Variants in CORO7 observed in about 807,000 individuals in gnomAD.
CORO7 encodes the protein coronin-7.
CORO7 carries 107 observed loss-of-function variants against 126.6 expected under a neutral mutation model. The observed-to-expected ratio is 0.85, with a 90% confidence interval of 0.72 to 0.99. The LOEUF is 0.99. CORO7 is among the 50% of genes least tolerant of loss of function. The pLI is 0.00. For synonymous variants in CORO7, 603 were observed against 536.8 expected (o/e 1.12, Z -1.70); for missense variants, 1,314 against 1,255.8 (o/e 1.05, Z -0.70).
At chr16:4,412,240 C>A in intron 3 of CORO7, 116 bp downstream of exon 3, 2 of 1,118,530 alleles carry the variant, frequency 1.8e-6, no homozygotes, top group Admixed American at 3.7e-5. Flanking sequence ...ACAGACAGGG[C>A]GACAGGAGGG....
rs553544120 is a variant in CORO7 at position 4,405,442 on chromosome 16, C to T, written c.564+49G>A. On this transcript the variant is annotated intron_variant, in intron 6 of 27. Transcript: ENST00000251166. ...AGGCCCAGCCCAGGGGGTCCCAGCCCAGGAGGCCTGCACAGAGCCCCACAG... is the reference window on the plus strand; with the variant it reads ...AGGCCCAGCCCAGGGGGTCCCAGCCTAGGAGGCCTGCACAGAGCCCCACAG... 8.0e-5 allele frequency: 126 copies of T among 1,573,430 alleles called. 2 individuals are homozygous for T. The South Asian group carries it at 1.3e-3, about 16-fold the overall frequency.
intron 9 of CORO7, among the ~76,000 whole-genome samples, chr16:4,371,114 C>T (rs1273234228): frequency 6.6e-6 from 1 of 152,238 alleles, no homozygotes; most frequent in East Asian, 1.9e-4. Flanking sequence ...CACCCCTATG[C>T]CTCCACAGCT....
At chr16:4,382,794 G>A (rs1037115634) in intron 9 of CORO7, 4 of 1,587,020 alleles carry the variant, frequency 2.5e-6, no homozygotes, top group Non-Finnish European at 3.4e-6. Context: ...AGGCAACAGA[G>A]GGCGGTGGAG....
intron 24 of CORO7, 118 bp from the exon 25 acceptor site, chr16:4,358,221 T>C: frequency 6.5e-7 from 1 of 1,536,590 alleles, no homozygotes; most frequent in South Asian, 1.2e-5. Flanking sequence ...GGGGCTTCCA[T>C]GAGTTTCAGC....
At chr16:4,383,284 G>A in intron 9 of CORO7, 1 of 237,198 alleles carries the variant, frequency 4.2e-6, no homozygotes, top group Admixed American at 5.7e-5. Flanking sequence ...CAGAGGGAGA[G>A]CGGGTAGGCG....
intron 7 of CORO7, among the ~76,000 whole-genome samples, chr16:4,394,652 C>T (rs867975741): frequency 6.6e-6 from 1 of 152,196 alleles, no homozygotes; most frequent in African/African-American, 2.4e-5. Flanking sequence ...GCAAGAGAAG[C>T]CCCCAGCAAC....
intron 6 of CORO7, among the ~76,000 whole-genome samples, chr16:4,401,150 A>T (rs1350341819): frequency 6.6e-6 from 1 of 152,166 alleles, no homozygotes; most frequent in Non-Finnish European, 1.5e-5. Context: ...CGCGGGGAAG[A>T]ACTTAGACCT....
chr16:4,371,908 C>T (rs2054545167), intron 9 of CORO7: 1 of 152,116 alleles, frequency 6.6e-6, no homozygotes, highest in South Asian at 2.1e-4. Context: ...GCTTCGGGAC[C>T]CAGGACCCCC....
intron 7 of CORO7, among the ~76,000 whole-genome samples, chr16:4,389,192 C>T (rs533268291): frequency 3.9e-5 from 6 of 152,312 alleles, no homozygotes; most frequent in African/African-American, 1.4e-4. Context: ...GGACCCACCT[C>T]TGGGCAACGT....
Position 4,362,570 on chromosome 16 carries a change from G to C in CORO7, c.1402+42C>G. ...GGATGACGGGGAGTGGGGCAGACAG[G>C]GCTCCTGCGGTAGGGGTGAGCTCCC... On this transcript the variant is annotated intron_variant, in intron 15 of 27. Transcript: ENST00000251166. The surrounding 1 kb of genome is among the most constrained non-coding windows in gnomAD (Gnocchi z 5.3). 6.6e-7 allele frequency: 1 copy of C among 1,510,118 alleles called. No individual in the cohort carries two copies. Among genetic ancestry groups the C allele is most frequent in the Admixed American group, 2.3e-5 (1 of 43,764 alleles). 93.5% of individuals were successfully genotyped at this position (1,510,118 alleles called of 1,614,324 possible). A position where few individuals can be genotyped will look rare whatever the true frequency, so the allele number is the denominator to read the frequency against.
intron 9 of CORO7, chr16:4,380,860 T>C (rs1370153718): frequency 1.3e-6 from 2 of 1,486,710 alleles, no homozygotes; most frequent in African/African-American, 1.4e-5. Flanking sequence ...GCCTCCTCTC[T>C]GCTCCCAGGG....
chr16:4,388,923 C>T (rs1567282789), intron 7 of CORO7, among the ~76,000 whole-genome samples: 1 of 152,222 alleles, frequency 6.6e-6, no homozygotes, highest in Non-Finnish European at 1.5e-5. Flanking sequence ...GCCTCACTCC[C>T]CAGCTCCAGG....
chr16:4,412,295 C>G, intron 3 of CORO7, 61 bp downstream of exon 3: 1 of 1,585,796 alleles, frequency 6.3e-7, no homozygotes, highest in Non-Finnish European at 8.6e-7. Context: ...GGATGAATTT[C>G]TGGCCCTGGA....
rs1567254959 is a variant in CORO7 at position 4,365,557 on chromosome 16, A to AG, written c.786-13dup. On this transcript the variant is annotated splice_polypyrimidine_tract_variant and intron_variant, in intron 9 of 27. Transcript: ENST00000251166. ...GAGGCACGAGACACCTGGGGAAGAG[A>AG]GGGCAAGATGGCGGGTCAGGGCAGT... 1 of 1,575,220 alleles carries AG rather than the reference A, an allele frequency of 6.3e-7. No homozygotes were observed. Among genetic ancestry groups the AG allele is most frequent in the East Asian group, 2.3e-5 (1 of 42,678 alleles).
At chr16:4,373,700 A>G (rs1287820467) in intron 9 of CORO7, among the ~76,000 whole-genome samples, 21 of 152,170 alleles carry the variant, frequency 1.4e-4, no homozygotes, top group Non-Finnish European at 2.9e-5. Flanking sequence ...TCCCAAGTAC[A>G]GAAAATTAAG....
At chr16:4,381,171 A>G in intron 9 of CORO7, 1 of 1,611,778 alleles carries the variant, frequency 6.2e-7, no homozygotes, top group Non-Finnish European at 8.5e-7. Flanking sequence ...TCTTCCAGCC[A>G]CTCGCCAACC....
rs577970245 is a variant in CORO7, at chr16:4,374,300, C to T, written c.786-8755G>A. Among the ~76,000 whole-genome samples the T allele has an allele frequency of 3.5e-4, 54 of 152,218 alleles. 2 individuals are homozygous for T. In the South Asian group the frequency reaches 7.5e-3, roughly 21 times the overall value. ...AGAGTCAGCCGGATCGCTTTCCCTC[C>T]GCGCTGGGCCGCCGGCCTCCCCCGC... On this transcript the variant is annotated intron_variant, in intron 9 of 27. Transcript: ENST00000251166.
Position 4,362,072 on chromosome 16 carries a change from T to A in CORO7, c.1491A>T (p.Thr497=). ...ITNLKGLNLT[T]PGESDGFCAN... ...CACAGAAGCCGTCACTCTCACCAGGTGTGGTGAGGTTGAGCCCCTTGAGGT... is the reference window on the plus strand; with the variant it reads ...CACAGAAGCCGTCACTCTCACCAGGAGTGGTGAGGTTGAGCCCCTTGAGGT... Residue 497 remains threonine (T), a synonymous_variant, in exon 16 of 28, where the codon ACA becomes ACT. Transcript: ENST00000251166. The surrounding 1 kb of genome is among the most constrained non-coding windows in gnomAD (Gnocchi z 5.3). 6.2e-7 allele frequency: 1 copy of A among 1,612,724 alleles called. No individual in the cohort carries two copies. The highest frequency in any genetic ancestry group is 8.5e-7 in the Non-Finnish European group (1 of 1,179,892).
chr16:4,365,848 C>T (rs1273517800), intron 9 of CORO7, among the ~76,000 whole-genome samples: 1 of 152,144 alleles, frequency 6.6e-6, no homozygotes, highest in East Asian at 1.9e-4. Context: ...CCAAGAAGAC[C>T]CCACATGCAT....
Sources: gnomAD v4.1 joint callset for allele counts (sites outside exome capture counted in the v4.1 genomes callset) on GRCh38, gnomAD v4.1.1 for gene constraint, Gnocchi (gnomAD v3.1) non-coding constraint, MANE v1.5 for transcripts, NCBI Gene and HGNC (gene_info 2026-07-23, HGNC 2026-07-21) for gene names.